FUCA1: variants seen among roughly 807,000 people sequenced by gnomAD.
The protein encoded by FUCA1 is tissue alpha-L-fucosidase.
A neutral mutation model predicts 56.8 loss-of-function variants in FUCA1; 52 were observed. The ratio of observed to expected loss-of-function variants is 0.92; its 90% CI spans 0.73 to 1.15. The LOEUF (loss-of-function observed/expected upper bound fraction) is 1.15, where lower values mean the gene tolerates loss of function less well. Ranked by LOEUF, FUCA1 falls within the 50% of genes most tolerant of loss-of-function variation. The pLI, the probability that FUCA1 is intolerant of heterozygous loss-of-function variation, is 0.00. For synonymous variants in FUCA1, 230 were observed against 226.6 expected (o/e 1.02, Z -0.14); for missense variants, 568 against 592.6 (o/e 0.96, Z 0.43).
At chr1:23,854,064 GAATAAATAAATA>G (rs200301178) in intron 5 of FUCA1, among the ~76,000 whole-genome samples, 1 of 150,154 alleles carries the variant, frequency 6.7e-6, no homozygotes, top group Non-Finnish European at 1.5e-5. Context: ...GATCAATAAA[GAATAAATAAATA>G]AATAAATAAA....
chr1:23,861,119 C>T (rs369997001), intron 3 of FUCA1, among the ~76,000 whole-genome samples: 19 of 151,034 alleles, frequency 1.3e-4, no homozygotes, highest in African/African-American at 4.1e-4. Context: ...GTCGGGAGAT[C>T]GAGACCATCC....
chr1:23,863,302 A>G (rs1329333505), intron 2 of FUCA1, 31 bp from the exon 3 acceptor site: 4 of 1,606,796 alleles, frequency 2.5e-6, no homozygotes, highest in Non-Finnish European at 3.4e-6. Flanking sequence ...AGCAACTGTC[A>G]TTAAGCATAG....
chr1:23,852,809 G>A (rs1401798702), intron 5 of FUCA1, among the ~76,000 whole-genome samples: 8 of 152,054 alleles, frequency 5.3e-5, no homozygotes, highest in African/African-American at 1.7e-4. Context: ...GTGCAGTGGC[G>A]TGATCTCCGC....
Position 23,865,506 on chromosome 1 carries a change from G to C in FUCA1, c.509C>G (p.Thr170Arg). ...PHRDLVGELGTALRKRNIRYG... is the reference protein window; with the variant it reads ...PHRDLVGELGRALRKRNIRYG... The stretch of plus-strand genomic sequence containing the variant: ...GGACACTCACCTCTTCCGGAGAGCT[G>C]TTCCCAATTCACCAACCAAATCCCG... The change falls in exon 2 of 8, where the codon ACA (threonine) becomes AGA (arginine). Residue 170 changes from threonine to arginine, a missense_variant. Thr to Arg is a moderately conservative substitution (Grantham distance 71, BLOSUM62 -1). Coordinates refer to ENST00000374479, the MANE Select transcript of FUCA1 (RefSeq NM_000147.5). 1 of 1,614,224 alleles carries C rather than the reference G, an allele frequency of 6.2e-7. No individual in the cohort carries two copies. Among genetic ancestry groups the C allele is most frequent in the Non-Finnish European group, 8.5e-7 (1 of 1,180,046 alleles).
rs771207386 is a variant in FUCA1 at position 23,868,098 on chromosome 1, G to A, written c.189C>T (p.His63=). The change falls in exon 1 of 8, where the codon CAC becomes CAT. Residue 63 remains histidine (H), a synonymous_variant. Coordinates refer to ENST00000374479, the MANE Select transcript of FUCA1 (RefSeq NM_000147.5). ...FDEAKFGVFI[H]WGVFSVPAWG... The stretch of plus-strand genomic sequence containing the variant: ...AGGCGGGCACCGAGAACACGCCCCA[G>A]TGGATGAACACCCCGAACTTGGCTT... 9 of 1,611,850 alleles carry A rather than the reference G, an allele frequency of 5.6e-6. No homozygotes were observed. In the African/African-American group the frequency reaches 9.3e-5, roughly 17 times the overall value.
At chr1:23,863,643 T>C (rs1639557765) in intron 2 of FUCA1, among the ~76,000 whole-genome samples, 1 of 152,060 alleles carries the variant, frequency 6.6e-6, no homozygotes, top group Non-Finnish European at 1.5e-5. Context: ...CTTGAGTCCA[T>C]GAGTTTGAGA....
In FUCA1 at chr1:23,863,107, T is replaced by C. The variant is rs757021219; in HGVS notation, c.662+27A>G. 4 of 1,613,296 alleles carry C rather than the reference T, an allele frequency of 2.5e-6. No homozygotes were observed. In the South Asian group the frequency reaches 3.3e-5, roughly 13 times the overall value. On this transcript the variant is annotated intron_variant, in intron 3 of 7. Transcript: ENST00000374479. ...GCTCTGATTTCATTGATAAAAGTCA[T>C]AGGGCCAAAATATTTCAGTGTCTTA... is the stretch of plus-strand genomic sequence containing the variant.
chr1:23,857,378 CAG>C (rs1469637397), intron 4 of FUCA1, among the ~76,000 whole-genome samples: 1 of 152,138 alleles, frequency 6.6e-6, no homozygotes, highest in Non-Finnish European at 1.5e-5. Context: ...AACGATCCAG[CAG>C]AGACTAGCAG....
At chr1:23,853,752 C>T (rs946348522) in intron 5 of FUCA1, among the ~76,000 whole-genome samples, 5 of 151,326 alleles carry the variant, frequency 3.3e-5, no homozygotes, top group African/African-American at 9.7e-5. Context: ...TCCTGTTGAT[C>T]GGTGACCCTA....
intron 5 of FUCA1, 126 bp from the exon 6 acceptor site, chr1:23,848,965 A>ATT (rs1013465532): frequency 4.5e-4 from 293 of 656,806 alleles, no homozygotes; most frequent in Non-Finnish European, 5.4e-4. Context: ...TGCTGTTTTA[A>ATT]TTTTTTTTTT....
At chr1:23,856,388 A>G (rs1223569384) in intron 4 of FUCA1, among the ~76,000 whole-genome samples, 1 of 152,158 alleles carries the variant, frequency 6.6e-6, no homozygotes, top group Non-Finnish European at 1.5e-5. Flanking sequence ...AGTACCCTCC[A>G]CTTTGGCATT....
At chr1:23,863,560 A>G (rs1307801994) in intron 2 of FUCA1, among the ~76,000 whole-genome samples, 1 of 152,176 alleles carries the variant, frequency 6.6e-6, no homozygotes, top group Non-Finnish European at 1.5e-5. Context: ...ATCCCAACAG[A>G]GTATAGTCCT....
rs145153173 is a variant in FUCA1, at chr1:23,865,610, C to G, written c.405G>C (p.Thr135=). Residue 135 remains threonine, a synonymous_variant, in exon 2 of 8, where the codon ACG becomes ACC. Transcript: ENST00000374479. ...TTGTGAAGCCTTCGTGATGCTTTGT[C>G]GTCAAAACTACATACCTGTGGACAG... ...QAAGAKYVVL[T]TKHHEGFTNW... 1 of 1,614,192 alleles carries G rather than the reference C, an allele frequency of 6.2e-7. No individual in the cohort carries two copies. Among genetic ancestry groups the G allele is most frequent in the Non-Finnish European group, 8.5e-7 (1 of 1,180,032 alleles).
chr1:23,856,017 A>G (rs1351881418), intron 4 of FUCA1, among the ~76,000 whole-genome samples: 1 of 152,190 alleles, frequency 6.6e-6, no homozygotes, highest in African/African-American at 2.4e-5. Context: ...ATCAGAGTTT[A>G]TGCCTGGTTA....
intron 5 of FUCA1, 56 bp from the exon 6 acceptor site, chr1:23,848,895 G>T: frequency 7.2e-7 from 1 of 1,389,822 alleles, no homozygotes. Flanking sequence ...CTGGCATCAT[G>T]CTTAAAATAG....
At chr1:23,845,911 T>A in intron 7 of FUCA1, 56 bp from the exon 8 acceptor site, 1 of 1,585,318 alleles carries the variant, frequency 6.3e-7, no homozygotes, top group South Asian at 1.1e-5. Context: ...GAGTATAGAA[T>A]ACAGGCTGAC....
rs942347882 is a variant in FUCA1, at chr1:23,859,582, A to C, written c.768+216T>G. On this transcript the variant is annotated intron_variant, in intron 4 of 7. Transcript: ENST00000374479. ...CTCTGTCTCAATTAAAAAAAAAAAA[A>C]AACAACACTAAAGGAGAAGAAAACT... Among the ~76,000 whole-genome samples, 40 of 152,012 alleles carry C rather than the reference A, an allele frequency of 2.6e-4. 1 individual carries two copies. The highest frequency in any genetic ancestry group is 1.2e-3 in the Admixed American group (19 of 15,266).
intron 4 of FUCA1, 62 bp downstream of exon 4, chr1:23,859,736 G>T: frequency 2.0e-6 from 2 of 1,020,330 alleles, no homozygotes; most frequent in Non-Finnish European, 3.1e-6. Flanking sequence ...CTACTCCAGA[G>T]TTTGGCTCCT....
Position 23,868,118 on chromosome 1 carries a change from T to C in FUCA1, c.169A>G (p.Lys57Glu). 1.2e-6 allele frequency: 2 copies of C among 1,611,572 alleles called. No individual in the cohort carries two copies. The highest frequency in any genetic ancestry group is 1.7e-6 in the Non-Finnish European group (2 of 1,179,570). ...RPLPAWFDEA[K>E]FGVFIHWGVF... is the part of the protein sequence containing the mutation. The stretch of plus-strand genomic sequence containing the variant: ...CCCCAGTGGATGAACACCCCGAACT[T>C]GGCTTCGTCGAACCAGGCCGGCAGC... Residue 57 changes from lysine to glutamate, a missense_variant, in exon 1 of 8, where the codon AAG (lysine) becomes GAG (glutamate). By Grantham distance (56) the Lys-to-Glu change is moderately conservative (BLOSUM62 1). Coordinates refer to ENST00000374479, the MANE Select transcript of FUCA1 (RefSeq NM_000147.5).
Sources: gnomAD v4.1 joint callset for allele counts (sites outside exome capture counted in the v4.1 genomes callset) on GRCh38, gnomAD v4.1.1 for gene constraint, MANE v1.5 for transcripts, NCBI Gene and HGNC (gene_info 2026-07-23, HGNC 2026-07-21) for gene names.